BLTP3A: variants seen among roughly 807,000 people sequenced by gnomAD.
BLTP3A encodes ICBP90 binding protein 1.
At chr6:34,825,418 C>G in the BLTP3A span, among the ~76,000 whole-genome samples, 103 of 152,256 alleles carry the variant, frequency 6.8e-4, 1 homozygote, top group Middle Eastern at 3.4e-3. Context: ...AGTGATTTTC[C>G]TGCCTCCGCC....
chr6:34,871,211 T>G, the BLTP3A span: 104 of 1,390,584 alleles, frequency 7.5e-5, no homozygotes, highest in Middle Eastern at 5.2e-4. Context: ...TGTTAACCTC[T>G]TCCCTTTTCA....
At chr6:34,835,186 A>G in the BLTP3A span, 3 of 1,192,246 alleles carry the variant, frequency 2.5e-6, no homozygotes, top group Non-Finnish European at 3.6e-6. Context: ...TGATACTTTC[A>G]CATATTGGAG....
At chr6:34,832,123 C>CTTTTTT in the BLTP3A span, among the ~76,000 whole-genome samples, 4 of 141,886 alleles carry the variant, frequency 2.8e-5, no homozygotes, top group African/African-American at 7.8e-5. Context: ...TTTTTTCTTT[C>CTTTTTT]TTTTTTTTTT....
At chr6:34,830,882 C>A in the BLTP3A span, among the ~76,000 whole-genome samples, 1 of 152,046 alleles carries the variant, frequency 6.6e-6, no homozygotes, top group Non-Finnish European at 1.5e-5. Context: ...TTTAATCATC[C>A]TGGTGGGTGT....
At chr6:34,835,012 C>G in the BLTP3A span, 1 of 1,108,814 alleles carries the variant, frequency 9.0e-7, no homozygotes, top group Non-Finnish European at 1.3e-6. Context: ...TCAACATCCT[C>G]TAGTAATAGA....
chr6:34,872,269 A>G, the BLTP3A span: 6 of 1,563,740 alleles, frequency 3.8e-6, no homozygotes, highest in East Asian at 2.2e-5. Context: ...TTGTTGCAAG[A>G]TGGTATTACC....
At chr6:34,853,538 T>C in the BLTP3A span, among the ~76,000 whole-genome samples, 2 of 152,148 alleles carry the variant, frequency 1.3e-5, no homozygotes, top group Non-Finnish European at 2.9e-5. Context: ...CATTTTGCTC[T>C]ACCTCCTCCT....
the BLTP3A span, among the ~76,000 whole-genome samples, chr6:34,854,155 G>A: frequency 6.6e-6 from 1 of 152,170 alleles, no homozygotes; most frequent in Non-Finnish European, 1.5e-5. Flanking sequence ...CCAGGAAGCA[G>A]AGGTTGCAGT....
chr6:34,854,748 G>C, the BLTP3A span, among the ~76,000 whole-genome samples: 1 of 152,138 alleles, frequency 6.6e-6, no homozygotes, highest in South Asian at 2.1e-4. Context: ...AGATATGCCA[G>C]CTTACACCTA....
At chr6:34,827,336 A>G in the BLTP3A span, among the ~76,000 whole-genome samples, 3 of 152,082 alleles carry the variant, frequency 2.0e-5, no homozygotes, top group Non-Finnish European at 2.9e-5. Flanking sequence ...AACAAAACAA[A>G]GAAAGAGAAA....
chr6:34,821,980 T>G, the BLTP3A span: 490 of 1,613,998 alleles, frequency 3.0e-4, 2 homozygotes, highest in Non-Finnish European at 1.2e-4. Flanking sequence ...TGATTGCAAG[T>G]TATCAAATGG....
the BLTP3A span, among the ~76,000 whole-genome samples, chr6:34,844,936 T>A: frequency 1.1e-4 from 17 of 152,202 alleles, no homozygotes; most frequent in African/African-American, 4.1e-4. Flanking sequence ...CCCAGACCAA[T>A]GTTGTGGAGA....
chr6:34,818,409 C>T, the BLTP3A span, among the ~76,000 whole-genome samples: 1 of 151,700 alleles, frequency 6.6e-6, no homozygotes, highest in African/African-American at 2.4e-5. Context: ...GTTGAGGCTG[C>T]AGTGAGCCAT....
chr6:34,869,716 A>G, the BLTP3A span, among the ~76,000 whole-genome samples: 3 of 138,516 alleles, frequency 2.2e-5, no homozygotes, highest in Non-Finnish European at 4.5e-5. Flanking sequence ...AGTGGTTGCA[A>G]TCTCAGCCCA....
chr6:34,876,567 A>G, the BLTP3A span: 1 of 152,202 alleles, frequency 6.6e-6, no homozygotes, highest in Non-Finnish European at 1.5e-5. Flanking sequence ...TAAAATCATA[A>G]AACTATGGAA....
At chr6:34,840,566 C>CA in the BLTP3A span, among the ~76,000 whole-genome samples, 1 of 150,000 alleles carries the variant, frequency 6.7e-6, no homozygotes, top group Admixed American at 6.7e-5. Context: ...GACTTTGTCT[C>CA]AAAAAATAAA....
the BLTP3A span, chr6:34,864,125 TAGC>T: frequency 6.2e-7 from 1 of 1,614,154 alleles, no homozygotes; most frequent in East Asian, 2.2e-5. Flanking sequence ...TCTCATTGGA[TAGC>T]AGTGGCCCTG....
At chr6:34,867,668 C>G in the BLTP3A span, 4 of 1,570,160 alleles carry the variant, frequency 2.5e-6, no homozygotes, top group Non-Finnish European at 3.4e-6. Context: ...CTAGGACAGC[C>G]ATAGATTAAC....
the BLTP3A span, among the ~76,000 whole-genome samples, chr6:34,793,973 CA>C: frequency 1.3e-5 from 2 of 150,892 alleles, no homozygotes; most frequent in African/African-American, 4.9e-5. Flanking sequence ...CCAGCCCAGC[CA>C]ACATGATGAA....
Sources: gnomAD v4.1 joint callset for allele counts (sites outside exome capture counted in the v4.1 genomes callset) on GRCh38, gnomAD v4.1.1 for gene constraint, MANE v1.5 for transcripts, NCBI Gene and HGNC (gene_info 2026-07-23, HGNC 2026-07-21) for gene names.